The following ARHGAP42 variants were observed in gnomAD, a reference collection of about 807,000 sequenced individuals.
ARHGAP42 encodes rho GTPase-activating protein 42.
ARHGAP42 carries 63 observed loss-of-function variants against 125.0 expected under a neutral mutation model. That is an observed-to-expected ratio of 0.50 (90% CI 0.41 to 0.62). The LOEUF is 0.62. Ranked by LOEUF, ARHGAP42 falls within the 20% of genes least tolerant of loss-of-function variation. The probability of loss-of-function intolerance (pLI) is 0.00; values close to 1 mark genes in which losing one functional copy is unlikely to be tolerated. For synonymous variants in ARHGAP42, 339 were observed against 351.0 expected (o/e 0.97, Z 0.38); for missense variants, 766 against 1,024.2 (o/e 0.75, Z 3.44).
intron 1 of ARHGAP42, among the ~76,000 whole-genome samples, chr11:100,702,940 G>A (rs1861421521): frequency 9.4e-6 from 1 of 106,368 alleles, no homozygotes; most frequent in East Asian, 2.5e-4. Context: ...GGGATTACAG[G>A]CATGAGCCAC....
intron 4 of ARHGAP42, among the ~76,000 whole-genome samples, chr11:100,908,169 T>C (rs952326502): frequency 6.6e-6 from 1 of 152,246 alleles, no homozygotes; most frequent in African/African-American, 2.4e-5. Flanking sequence ...CAAAGCTTTC[T>C]AGTAGTCTTT....
chr11:100,927,215 G>T (rs765075167), intron 6 of ARHGAP42, among the ~76,000 whole-genome samples: 8 of 152,072 alleles, frequency 5.3e-5, no homozygotes, highest in Non-Finnish European at 1.0e-4. Flanking sequence ...TACTGGCTAA[G>T]TCTTTTTTAA....
At chr11:100,724,687 T>C (rs7103397) in intron 1 of ARHGAP42, among the ~76,000 whole-genome samples, 85,360 of 151,386 alleles carry the variant, frequency 0.56, 24,489 homozygotes, top group African/African-American at 0.69. Flanking sequence ...TTTGGGTCTT[T>C]ACTATTTTTT....
intron 3 of ARHGAP42, among the ~76,000 whole-genome samples, chr11:100,842,115 T>G (rs185914708): frequency 6.6e-6 from 1 of 152,292 alleles, no homozygotes; most frequent in African/African-American, 2.4e-5. Context: ...TTACAAGAAC[T>G]TCATTTGTGA....
intron 2 of ARHGAP42, among the ~76,000 whole-genome samples, chr11:100,774,672 C>T (rs1863072359): frequency 6.6e-6 from 1 of 152,140 alleles, no homozygotes; most frequent in Non-Finnish European, 1.5e-5. Context: ...TTTCATTGCG[C>T]TTACAGTGGA....
At chr11:100,776,440 C>G (rs1295268727) in intron 2 of ARHGAP42, among the ~76,000 whole-genome samples, 1 of 152,132 alleles carries the variant, frequency 6.6e-6, no homozygotes, top group African/African-American at 2.4e-5. Context: ...GACTTCATTC[C>G]TTTAGACACA....
intron 8 of ARHGAP42, among the ~76,000 whole-genome samples, chr11:100,937,089 A>G (rs1448091088): frequency 1.3e-5 from 2 of 152,222 alleles, no homozygotes; most frequent in Non-Finnish European, 2.9e-5. Context: ...AACATGATTA[A>G]GTGATGCTCA....
chr11:100,843,247 C>G (rs1367466815), intron 3 of ARHGAP42, among the ~76,000 whole-genome samples: 1 of 152,034 alleles, frequency 6.6e-6, no homozygotes, highest in Admixed American at 6.6e-5. Flanking sequence ...AAAGATACAA[C>G]ACTCCTAGCT....
rs376745675 is a variant in ARHGAP42, at chr11:100,913,447, T to A, written c.385-5T>A. 5.5e-6 allele frequency: 7 copies of A among 1,265,644 alleles called. No homozygotes were observed. The East Asian group carries it at 2.3e-4, about 41-fold the overall frequency. The allele number at this position is 1,265,644 out of a possible 1,614,324, so 78.4% of individuals were successfully genotyped here. A position where few individuals can be genotyped will look rare whatever the true frequency, so the allele number is the denominator to read the frequency against. On this transcript the variant is annotated splice_polypyrimidine_tract_variant and splice_region_variant and intron_variant, in intron 4 of 23. Transcript: ENST00000298815. Reference sequence around the variant, plus strand: ...ATATTTTTTGTTGTTATTGCTCTCCTTTAGGATGGAAAGAAGAAGTTTGAC... The same window carrying A: ...ATATTTTTTGTTGTTATTGCTCTCCATTAGGATGGAAAGAAGAAGTTTGAC...
chr11:100,853,402 G>A (rs1025307178), intron 3 of ARHGAP42, among the ~76,000 whole-genome samples: 8 of 152,128 alleles, frequency 5.3e-5, no homozygotes, highest in African/African-American at 1.9e-4. Context: ...TTTCCACAAT[G>A]CTTAAATGTT....
At chr11:100,898,367 G>C (rs938608478) in intron 4 of ARHGAP42, among the ~76,000 whole-genome samples, 1 of 152,098 alleles carries the variant, frequency 6.6e-6, no homozygotes, top group East Asian at 1.9e-4. Flanking sequence ...AAATGAATTG[G>C]GGAAGATTCC....
chr11:100,775,767 T>C (rs753310107), intron 2 of ARHGAP42, among the ~76,000 whole-genome samples: 7 of 152,216 alleles, frequency 4.6e-5, no homozygotes, highest in Non-Finnish European at 8.8e-5. Context: ...AGCTGGAGTA[T>C]GCAAGTTACT....
At chr11:100,969,747 C>A (rs1160086787) in intron 17 of ARHGAP42, among the ~76,000 whole-genome samples, 1 of 152,064 alleles carries the variant, frequency 6.6e-6, no homozygotes, top group Non-Finnish European at 1.5e-5. Context: ...TTCTTGAGGA[C>A]TTTGGATATA....
intron 3 of ARHGAP42, among the ~76,000 whole-genome samples, chr11:100,808,160 T>A (rs1212722996): frequency 6.6e-6 from 1 of 152,156 alleles, no homozygotes; most frequent in African/African-American, 2.4e-5. Context: ...AACAAAGCTA[T>A]GGATGAATGG....
intron 3 of ARHGAP42, among the ~76,000 whole-genome samples, chr11:100,821,900 A>C (rs563674411): frequency 6.6e-6 from 1 of 152,260 alleles, no homozygotes; most frequent in South Asian, 2.1e-4. Context: ...GCTTGTTGCT[A>C]ATGACTGGAG....
intron 12 of ARHGAP42, among the ~76,000 whole-genome samples, chr11:100,957,958 A>G (rs1052275642): frequency 6.6e-6 from 1 of 152,078 alleles, no homozygotes; most frequent in Non-Finnish European, 1.5e-5. Flanking sequence ...AGTTCTATTG[A>G]AATTTTTTTA....
At chr11:100,966,199 A>G (rs988987094) in intron 17 of ARHGAP42, among the ~76,000 whole-genome samples, 4 of 152,106 alleles carry the variant, frequency 2.6e-5, no homozygotes, top group Admixed American at 6.6e-5. Context: ...TGTATTCATG[A>G]TTTCACTTGA....
At chr11:100,984,904 T>G (rs1055988243) in intron 22 of ARHGAP42, among the ~76,000 whole-genome samples, 3 of 152,184 alleles carry the variant, frequency 2.0e-5, no homozygotes, top group Non-Finnish European at 4.4e-5. Flanking sequence ...TTACAGAGTC[T>G]ACATTAAATC....
chr11:100,939,157 C>T (rs947381769), intron 8 of ARHGAP42, among the ~76,000 whole-genome samples: 12 of 152,188 alleles, frequency 7.9e-5, no homozygotes, highest in African/African-American at 2.9e-4. Context: ...TCAGTGTAAC[C>T]GGAAGAGCCA....
Sources: gnomAD v4.1 joint callset for allele counts (sites outside exome capture counted in the v4.1 genomes callset) on GRCh38, gnomAD v4.1.1 for gene constraint, MANE v1.5 for transcripts, NCBI Gene and HGNC (gene_info 2026-07-23, HGNC 2026-07-21) for gene names.